The following UBASH3B variants were observed in gnomAD, a reference collection of about 807,000 sequenced individuals.
UBASH3B encodes the protein ubiquitin-associated and SH3 domain-containing protein B.
A neutral mutation model predicts 83.4 loss-of-function variants in UBASH3B; 37 were observed. That is an observed-to-expected ratio of 0.44 (90% CI 0.34 to 0.58). UBASH3B has a LOEUF of 0.58. UBASH3B is among the 20% of genes least tolerant of loss of function. UBASH3B has a pLI of 0.01. For missense variants in UBASH3B, 657 were observed against 827.2 expected (o/e 0.79, Z 2.52); for synonymous variants, 304 against 318.3 (o/e 0.96, Z 0.48).
At chr11:122,800,847 T>A (rs184343380) in intron 10 of UBASH3B, among the ~76,000 whole-genome samples, 31 of 152,200 alleles carry the variant, frequency 2.0e-4, no homozygotes, top group Admixed American at 7.2e-4. Context: ...ACTCAAGTAA[T>A]CTGCCCTCCT....
chr11:122,776,163 C>T (rs919637747), intron 1 of UBASH3B, 56 bp from the exon 2 acceptor site: 16 of 1,552,570 alleles, frequency 1.0e-5, no homozygotes, highest in Middle Eastern at 3.4e-4. Context: ...GCTCTTGCCA[C>T]TGCAGGGAGA....
intron 1 of UBASH3B, among the ~76,000 whole-genome samples, chr11:122,706,753 C>T (rs1864124760): frequency 6.6e-6 from 1 of 152,132 alleles, no homozygotes; most frequent in African/African-American, 2.4e-5. Context: ...CAATCACATA[C>T]TGAAAAGGGA....
intron 1 of UBASH3B, among the ~76,000 whole-genome samples, chr11:122,741,500 T>G (rs1861023931): frequency 6.6e-6 from 1 of 152,182 alleles, no homozygotes; most frequent in African/African-American, 2.4e-5. Flanking sequence ...CTCTTTAAGA[T>G]CTAAGTCAGT....
intron 1 of UBASH3B, among the ~76,000 whole-genome samples, chr11:122,656,644 G>C (rs1013176437): frequency 1.3e-5 from 2 of 152,322 alleles, no homozygotes; most frequent in East Asian, 1.9e-4. Flanking sequence ...CCGGTGTCTG[G>C]GAAAGGGCGG....
intron 1 of UBASH3B, among the ~76,000 whole-genome samples, chr11:122,701,308 C>A (rs973054407): frequency 7.9e-5 from 12 of 152,140 alleles, no homozygotes; most frequent in African/African-American, 2.9e-4. Context: ...CTGAATCCCC[C>A]AGGGTAATTA....
In UBASH3B at chr11:122,810,055, ACT is replaced by A. The variant is rs546088225; in HGVS notation, c.*170_*171del. The A allele has an allele frequency of 6.5e-5, 51 of 782,352 alleles. No homozygotes were observed. In the African/African-American group the frequency reaches 8.0e-4, roughly 12 times the overall value. The allele number at this position is 782,352 out of a possible 1,614,324, so 48.5% of individuals were successfully genotyped here. On this transcript the variant is annotated 3_prime_UTR_variant, in exon 14 of 14. Transcript: ENST00000284273. ...ATGAGACTGTGTAAATGAGAGAAAG[ACT>A]TGATTCAGAGGAAAAAAATGTGTTC...
chr11:122,661,906 CTTTTTTT>C (rs34060053), intron 1 of UBASH3B, among the ~76,000 whole-genome samples: 1 of 113,194 alleles, frequency 8.8e-6, no homozygotes, highest in African/African-American at 3.1e-5. Flanking sequence ...TGCTTTTTTT[CTTTTTTT>C]TTTTTTTTTT....
At chr11:122,752,983 A>G (rs1367495603) in intron 1 of UBASH3B, among the ~76,000 whole-genome samples, 1 of 152,080 alleles carries the variant, frequency 6.6e-6, no homozygotes, top group Non-Finnish European at 1.5e-5. Flanking sequence ...AACCCGTGCT[A>G]GAACCTGGGT....
At chr11:122,792,371 C>A (rs113968375) in intron 6 of UBASH3B, among the ~76,000 whole-genome samples, 1 of 149,116 alleles carries the variant, frequency 6.7e-6, no homozygotes, top group African/African-American at 2.5e-5. Context: ...CAGGCTGGAG[C>A]ACAGTGGTGC....
At chr11:122,803,600 A>G (rs1275356099) in intron 11 of UBASH3B, among the ~76,000 whole-genome samples, 1 of 152,132 alleles carries the variant, frequency 6.6e-6, no homozygotes, top group Admixed American at 6.5e-5. Context: ...AGCAAGGCAG[A>G]AAAAACAAAA....
At chr11:122,766,948 C>A (rs1860552265) in intron 1 of UBASH3B, among the ~76,000 whole-genome samples, 1 of 152,306 alleles carries the variant, frequency 6.6e-6, no homozygotes, top group East Asian at 1.9e-4. Context: ...CTGGGGGAGA[C>A]TCAGCTGTGG....
At position 122,813,133 on chromosome 11, in the gene UBASH3B, T is replaced by G. The variant is rs1229904463; in HGVS notation, c.*3247T>G. On this transcript the variant is annotated 3_prime_UTR_variant, in exon 14 of 14. Coordinates refer to ENST00000284273, the MANE Select transcript of UBASH3B (RefSeq NM_032873.5). The stretch of plus-strand genomic sequence containing the variant: ...AAAATAAAAAATATGCCTTCTGGAG[T>G]GATGTCTGTTTGGTAAATCATTGTT... The G allele has an allele frequency of 6.6e-6, 1 of 152,218 alleles. No individual in the cohort carries two copies. Among genetic ancestry groups the G allele is most frequent in the Non-Finnish European group, 1.5e-5 (1 of 67,994 alleles). The allele number at this position is 152,218 out of a possible 1,614,324, so 9.4% of individuals were successfully genotyped here.
chr11:122,665,244 C>A (rs552814292), intron 1 of UBASH3B, among the ~76,000 whole-genome samples: 1 of 152,226 alleles, frequency 6.6e-6, no homozygotes, highest in South Asian at 2.1e-4. Flanking sequence ...ATAACACGAT[C>A]CTAGCTCATT....
chr11:122,772,752 C>A (rs1372043982), intron 1 of UBASH3B, among the ~76,000 whole-genome samples: 1 of 152,210 alleles, frequency 6.6e-6, no homozygotes, highest in Non-Finnish European at 1.5e-5. Context: ...TGGGAAGGAC[C>A]ACTGCTCACC....
intron 1 of UBASH3B, among the ~76,000 whole-genome samples, chr11:122,722,948 G>A (rs1256473083): frequency 2.0e-5 from 3 of 152,050 alleles, no homozygotes; most frequent in Non-Finnish European, 4.4e-5. Flanking sequence ...CTCATGATCC[G>A]CCCATCTCGG....
At chr11:122,771,539 C>G (rs546726378) in intron 1 of UBASH3B, among the ~76,000 whole-genome samples, 4 of 152,186 alleles carry the variant, frequency 2.6e-5, no homozygotes, top group Non-Finnish European at 5.9e-5. Context: ...CCGTGTCCAG[C>G]CTCTTACTTA....
At chr11:122,685,690 T>C (rs914501833) in intron 1 of UBASH3B, among the ~76,000 whole-genome samples, 3 of 152,120 alleles carry the variant, frequency 2.0e-5, no homozygotes, top group African/African-American at 7.2e-5. Flanking sequence ...CTAATTTTTT[T>C]TATATTTTTA....
chr11:122,761,809 T>C (rs1861375231), intron 1 of UBASH3B, among the ~76,000 whole-genome samples: 1 of 100,920 alleles, frequency 9.9e-6, no homozygotes, highest in South Asian at 3.4e-4. Context: ...TTTTTTTTTT[T>C]TGAGACAGGG....
At chr11:122,788,322 A>C (rs1249849838) in intron 5 of UBASH3B, among the ~76,000 whole-genome samples, 1 of 152,198 alleles carries the variant, frequency 6.6e-6, no homozygotes, top group Non-Finnish European at 1.5e-5. Context: ...TAATCTCAGC[A>C]CTTTGGGAGG....
Sources: gnomAD v4.1 joint callset for allele counts (sites outside exome capture counted in the v4.1 genomes callset) on GRCh38, gnomAD v4.1.1 for gene constraint, MANE v1.5 for transcripts, NCBI Gene and HGNC (gene_info 2026-07-23, HGNC 2026-07-21) for gene names.